Variants in CLIC4 observed in about 807,000 individuals in gnomAD.
The protein encoded by CLIC4 is CLIC family member 4, also known as chloride intracellular channel protein 4.
CLIC4 carries 13 observed loss-of-function variants against 24.6 expected under a neutral mutation model. That is an observed-to-expected ratio of 0.53 (90% CI 0.34 to 0.84). The LOEUF is 0.84. Among genes scored for constraint, CLIC4 ranks in the 40% least tolerant of loss-of-function variants. The pLI, the probability that CLIC4 is intolerant of heterozygous loss-of-function variation, is 0.01. For synonymous variants in CLIC4, 104 were observed against 111.3 expected, an observed-to-expected ratio of 0.93 and a Z score of 0.41; for missense variants, 227 against 301.7, an observed-to-expected ratio of 0.75 and a Z score of 1.83.
At chr1:24,748,539 G>A (rs1246796163) in intron 1 of CLIC4, among the ~76,000 whole-genome samples, 2 of 118,110 alleles carry the variant, frequency 1.7e-5, no homozygotes. Flanking sequence ...ATGGTGTCTC[G>A]CTCTGTCACC....
At chr1:24,818,958 T>A (rs1639699040) in intron 3 of CLIC4, among the ~76,000 whole-genome samples, 1 of 152,010 alleles carries the variant, frequency 6.6e-6, no homozygotes, top group East Asian at 1.9e-4. Flanking sequence ...TATATTATTA[T>A]TAATATTATA....
chr1:24,785,344 C>T (rs1326421779), intron 1 of CLIC4, among the ~76,000 whole-genome samples: 3 of 152,028 alleles, frequency 2.0e-5, no homozygotes, highest in Non-Finnish European at 4.4e-5. Flanking sequence ...CTTATTTGAT[C>T]CCCACAATAA....
At chr1:24,807,434 A>G (rs560432187) in intron 2 of CLIC4, among the ~76,000 whole-genome samples, 16 of 152,318 alleles carry the variant, frequency 1.1e-4, no homozygotes, top group Non-Finnish European at 1.6e-4. Context: ...GTGAGCACAC[A>G]CTTGGATAAG....
intron 2 of CLIC4, among the ~76,000 whole-genome samples, chr1:24,809,563 C>T (rs1286703094): frequency 6.6e-6 from 1 of 152,158 alleles, no homozygotes; most frequent in African/African-American, 2.4e-5. Flanking sequence ...CTCCGCCTTC[C>T]AGCAATTCTG....
At chr1:24,806,498 C>T (rs954927297) in intron 2 of CLIC4, among the ~76,000 whole-genome samples, 12 of 152,114 alleles carry the variant, frequency 7.9e-5, no homozygotes, top group East Asian at 1.9e-4. Flanking sequence ...ACAGTTTTAT[C>T]GCTTTATTTA....
intron 3 of CLIC4, among the ~76,000 whole-genome samples, chr1:24,821,278 A>G (rs143681034): frequency 3.9e-5 from 6 of 152,334 alleles, no homozygotes; most frequent in African/African-American, 1.2e-4. Flanking sequence ...TAAAGTTAAT[A>G]TGGAATATTC....
rs972121749 is a variant in CLIC4, at chr1:24,755,996, ATTT to A, written c.72+10390_72+10392del. Among the ~76,000 whole-genome samples, 275 of 63,384 alleles carry A rather than the reference ATTT, an allele frequency of 4.3e-3. 1 individual carries two copies. The highest frequency in any genetic ancestry group is 0.014 in the African/African-American group (254 of 18,062). The allele number at this position is 63,384 out of a possible 152,430, so 41.6% of individuals were successfully genotyped here. A position where few individuals can be genotyped will look rare whatever the true frequency, so the allele number is the denominator to read the frequency against. On this transcript the variant is annotated intron_variant, in intron 1 of 5. Coordinates refer to ENST00000374379, the MANE Select transcript of CLIC4 (RefSeq NM_013943.3). The stretch of plus-strand genomic sequence containing the variant: ...ACCACCATGCCCAGCTAATTTTTTG[ATTT>A]TTTTTTTTTTTTTTTTTTGAGACGG...
At chr1:24,829,052 A>C (rs1209912516) in intron 4 of CLIC4, among the ~76,000 whole-genome samples, 1 of 152,186 alleles carries the variant, frequency 6.6e-6, no homozygotes, top group East Asian at 1.9e-4. Context: ...GTGCAATCAA[A>C]TGCCTTTAGT....
rs199510855 is a variant in CLIC4 at position 24,839,850 on chromosome 1, C to T, written c.416-10C>T. On this transcript the variant is annotated splice_polypyrimidine_tract_variant and intron_variant, in intron 4 of 5. Coordinates refer to ENST00000374379, the MANE Select transcript of CLIC4 (RefSeq NM_013943.3). The stretch of plus-strand genomic sequence containing the variant: ...TTACAGTATTCTCATCTCTTTTTTT[C>T]CCCCCCAAGCACTGGAGAGGGGTCT... The T allele has an allele frequency of 4.4e-6, 7 of 1,586,864 alleles. No individual in the cohort carries two copies. Among genetic ancestry groups the T allele is most frequent in the African/African-American group, 1.4e-5 (1 of 73,044 alleles).
intron 1 of CLIC4, among the ~76,000 whole-genome samples, chr1:24,797,044 C>T (rs997610232): frequency 1.5e-4 from 23 of 150,834 alleles, no homozygotes; most frequent in African/African-American, 5.6e-4. Flanking sequence ...ACCTCTGTGT[C>T]CCGGGTTCAA....
intron 1 of CLIC4, among the ~76,000 whole-genome samples, chr1:24,781,157 CAG>C (rs1639199819): frequency 8.5e-6 from 1 of 117,818 alleles, no homozygotes; most frequent in Non-Finnish European, 1.7e-5. Context: ...TTTTTTGAGA[CAG>C]AGTCTCACTC....
At chr1:24,777,008 A>G (rs1026675387) in intron 1 of CLIC4, among the ~76,000 whole-genome samples, 2 of 152,236 alleles carry the variant, frequency 1.3e-5, no homozygotes, top group African/African-American at 4.8e-5. Flanking sequence ...GGAGCCGTTG[A>G]GGCATGTAAG....
chr1:24,763,233 G>A (rs937788906), intron 1 of CLIC4, among the ~76,000 whole-genome samples: 1 of 151,904 alleles, frequency 6.6e-6, no homozygotes, highest in African/African-American at 2.4e-5. Flanking sequence ...AAACCATTTT[G>A]TTGGTCTCTA....
chr1:24,788,772 G>A (rs1223327357), intron 1 of CLIC4, among the ~76,000 whole-genome samples: 5 of 152,140 alleles, frequency 3.3e-5, no homozygotes, highest in African/African-American at 1.2e-4. Flanking sequence ...CTATATTCCT[G>A]ACTTGGAGCT....
chr1:24,811,591 G>A (rs905724439), intron 2 of CLIC4, among the ~76,000 whole-genome samples: 22 of 152,012 alleles, frequency 1.4e-4, no homozygotes, highest in Non-Finnish European at 2.5e-4. Flanking sequence ...TCCCATCTCA[G>A]CCTCCCAAGT....
chr1:24,826,558 T>C (rs1282268362), intron 3 of CLIC4, among the ~76,000 whole-genome samples: 1 of 152,220 alleles, frequency 6.6e-6, no homozygotes, highest in Non-Finnish European at 1.5e-5. Flanking sequence ...ATTTTTAATT[T>C]TGTTTGTGAT....
chr1:24,766,736 C>T (rs1336769574), intron 1 of CLIC4, among the ~76,000 whole-genome samples: 2 of 150,418 alleles, frequency 1.3e-5, no homozygotes, highest in Admixed American at 6.6e-5. Flanking sequence ...GAACTCCTGG[C>T]GTGAAGTGAT....
At chr1:24,763,628 A>AT (rs1638957441) in intron 1 of CLIC4, among the ~76,000 whole-genome samples, 1 of 151,972 alleles carries the variant, frequency 6.6e-6, no homozygotes, top group Non-Finnish European at 1.5e-5. Flanking sequence ...AATTGGACAA[A>AT]TTTATCTCCT....
chr1:24,818,211 C>T (rs1639690118), intron 3 of CLIC4, among the ~76,000 whole-genome samples: 1 of 152,128 alleles, frequency 6.6e-6, no homozygotes, highest in Non-Finnish European at 1.5e-5. Context: ...CTGCAAAGCA[C>T]AATGAAGCAA....
Sources: allele counts gnomAD v4.1 joint callset (sites outside exome capture counted in the v4.1 genomes callset), GRCh38; gene constraint gnomAD v4.1.1; transcripts MANE v1.5; gene names NCBI Gene and HGNC (gene_info 2026-07-23, HGNC 2026-07-21).